The following IPO11 variants were observed in gnomAD, a reference collection of about 807,000 sequenced individuals.
IPO11 encodes the protein importin-11.
Under a neutral mutation model 143.2 loss-of-function variants are expected in IPO11, and 66 were observed. That is an observed-to-expected ratio of 0.46 (90% CI 0.38 to 0.57). The LOEUF is 0.57. IPO11 is among the 20% of genes least tolerant of loss of function. The pLI is 0.00. For missense variants in IPO11, 1,026 were observed against 1,141.0 expected (o/e 0.90, Z 1.45); for synonymous variants, 385 against 377.8 (o/e 1.02, Z -0.22).
intron 29 of IPO11, among the ~76,000 whole-genome samples, chr5:62,617,648 AT>A (rs146061442): frequency 2.3e-4 from 35 of 149,800 alleles, no homozygotes; most frequent in South Asian, 1.1e-3. Flanking sequence ...ATTAAAGTTG[AT>A]TTTTTTTTTA....
At chr5:62,560,231 A>C (rs893145081) in intron 26 of IPO11, among the ~76,000 whole-genome samples, 2 of 152,186 alleles carry the variant, frequency 1.3e-5, no homozygotes, top group African/African-American at 4.8e-5. Flanking sequence ...AGAAGCCATC[A>C]TATTGGATTA....
intron 28 of IPO11, among the ~76,000 whole-genome samples, chr5:62,601,549 C>T (rs551807533): frequency 6.6e-6 from 1 of 152,194 alleles, no homozygotes; most frequent in Admixed American, 6.5e-5. Flanking sequence ...GTAAAATGCT[C>T]TAAAATGTTT....
At chr5:62,613,520 C>T (rs1746009156) in intron 29 of IPO11, among the ~76,000 whole-genome samples, 2 of 151,922 alleles carry the variant, frequency 1.3e-5, no homozygotes. Context: ...CCAGGCTCGT[C>T]TTGAACTCCC....
chr5:62,527,731 C>A (rs7712830), intron 21 of IPO11, among the ~76,000 whole-genome samples: 3,213 of 152,216 alleles, frequency 0.021, 94 homozygotes, highest in African/African-American at 0.073. Context: ...CTTTTAGTTA[C>A]ATGCTAATAA....
intron 4 of IPO11, among the ~76,000 whole-genome samples, chr5:62,450,590 G>T (rs1744876756): frequency 6.7e-6 from 1 of 149,748 alleles, no homozygotes. Flanking sequence ...GTGATACATG[G>T]TTATATTTGT....
Position 62,526,114 on chromosome 5 carries a change from T to C in IPO11, c.1897-28T>C, listed in dbSNP as rs771798909. On this transcript the variant is annotated intron_variant, in intron 20 of 29. Coordinates refer to ENST00000325324, the MANE Select transcript of IPO11 (RefSeq NM_016338.5). Reference sequence around the variant, plus strand: ...CGGGATGGGACATTAGAGTGTCTTATTATAAGTTTTATTTATACTTCCCAT... The same window carrying C: ...CGGGATGGGACATTAGAGTGTCTTACTATAAGTTTTATTTATACTTCCCAT... The C allele has an allele frequency of 3.4e-6, 5 of 1,455,386 alleles. No homozygotes were observed. The Admixed American group carries it at 5.1e-5, about 15-fold the overall frequency. The allele number at this position is 1,455,386 out of a possible 1,614,324, so 90.2% of individuals were successfully genotyped here. A position where few individuals can be genotyped will look rare whatever the true frequency, so the allele number is the denominator to read the frequency against.
At chr5:62,534,914 A>C (rs1200331228) in intron 22 of IPO11, among the ~76,000 whole-genome samples, 1 of 152,112 alleles carries the variant, frequency 6.6e-6, no homozygotes, top group Non-Finnish European at 1.5e-5. Flanking sequence ...AGGACTAGAA[A>C]ATTTTTCTTT....
chr5:62,417,529 T>C (rs781477648), intron 1 of IPO11, among the ~76,000 whole-genome samples: 1 of 152,156 alleles, frequency 6.6e-6, no homozygotes. Flanking sequence ...TATTTCCTTC[T>C]TAGGTTTTAG....
rs1580232641 is a variant in IPO11, at chr5:62,483,948, C to T, written c.1022-62C>T. The T allele has an allele frequency of 5.1e-6, 7 of 1,360,316 alleles. No individual in the cohort carries two copies. In the East Asian group the frequency reaches 1.7e-4, roughly 34 times the overall value. The allele number at this position is 1,360,316 out of a possible 1,614,324, so 84.3% of individuals were successfully genotyped here. A position where few individuals can be genotyped will look rare whatever the true frequency, so the allele number is the denominator to read the frequency against. On this transcript the variant is annotated intron_variant, in intron 10 of 29. Transcript: ENST00000325324. ...GTGTATTTTTTATTTATTTAAGTTA[C>T]ATAATCCAATGTAGCTACAATGTTT...
At chr5:62,623,412 T>C (rs1260596789) in intron 29 of IPO11, among the ~76,000 whole-genome samples, 1 of 152,152 alleles carries the variant, frequency 6.6e-6, no homozygotes, top group Non-Finnish European at 1.5e-5. Flanking sequence ...GGAAAACACT[T>C]TAGCAAAATT....
intron 26 of IPO11, among the ~76,000 whole-genome samples, chr5:62,560,316 A>G (rs1432135236): frequency 6.6e-6 from 1 of 152,140 alleles, no homozygotes; most frequent in African/African-American, 2.4e-5. Flanking sequence ...GGGGCTGGTA[A>G]GTCTGAATTT....
intron 26 of IPO11, among the ~76,000 whole-genome samples, chr5:62,559,941 AAGAG>A (rs561834402): frequency 8.4e-6 from 1 of 119,270 alleles, no homozygotes; most frequent in Non-Finnish European, 1.7e-5. Context: ...AAAAAAAAAA[AAGAG>A]AGAGAAAAAC....
At chr5:62,499,702 C>T (rs553452218) in intron 16 of IPO11, among the ~76,000 whole-genome samples, 1 of 148,266 alleles carries the variant, frequency 6.7e-6, no homozygotes, top group African/African-American at 2.5e-5. Context: ...TTTTAAAGTT[C>T]TTGACTCCTT....
intron 15 of IPO11, 108 bp from the exon 16 acceptor site, chr5:62,493,890 G>A (rs1741032747): frequency 1.0e-6 from 1 of 996,838 alleles, no homozygotes; most frequent in Non-Finnish European, 1.4e-6. Context: ...TATTAAAAAT[G>A]CAGATTGCAT....
intron 27 of IPO11, chr5:62,581,471 C>G (rs1744562236): frequency 1.6e-6 from 1 of 611,590 alleles, no homozygotes; most frequent in Admixed American, 3.7e-5. Context: ...ATTCATTTAG[C>G]AAATATTTTC....
intron 27 of IPO11, chr5:62,580,545 C>T (rs1294767411): frequency 1.9e-6 from 3 of 1,551,426 alleles, no homozygotes; most frequent in Non-Finnish European, 1.7e-6. Flanking sequence ...AACTTTTGGG[C>T]CTTCGAGACT....
intron 27 of IPO11, among the ~76,000 whole-genome samples, chr5:62,584,625 A>G (rs1372501312): frequency 6.7e-6 from 1 of 149,072 alleles, no homozygotes; most frequent in African/African-American, 2.5e-5. Flanking sequence ...AAAAAAAAAA[A>G]AAAAAAAAAA....
intron 24 of IPO11, among the ~76,000 whole-genome samples, chr5:62,549,360 C>G (rs79794730): frequency 1.3e-5 from 2 of 152,020 alleles, no homozygotes; most frequent in Non-Finnish European, 2.9e-5. Flanking sequence ...GGGACTGTTT[C>G]GAAATGCTTG....
chr5:62,576,907 T>C (rs1294167062), intron 27 of IPO11, among the ~76,000 whole-genome samples: 1 of 152,210 alleles, frequency 6.6e-6, no homozygotes, highest in Non-Finnish European at 1.5e-5. Context: ...AATAGTTGTG[T>C]ATTAATACCA....
Sources: allele counts gnomAD v4.1 joint callset (sites outside exome capture counted in the v4.1 genomes callset), GRCh38; gene constraint gnomAD v4.1.1; transcripts MANE v1.5; gene names NCBI Gene and HGNC (gene_info 2026-07-23, HGNC 2026-07-21).